ANK2: variants seen among roughly 807,000 people sequenced by gnomAD.
ANK2 encodes ankyrin-2.
ANK2 carries 83 observed loss-of-function variants against 360.5 expected under a neutral mutation model. That is an observed-to-expected ratio of 0.23 (90% CI 0.19 to 0.28). The LOEUF (loss-of-function observed/expected upper bound fraction) is 0.28. Ranked by LOEUF, ANK2 falls within the 10% of genes least tolerant of loss-of-function variation. The pLI is 1.00. For missense variants in ANK2, 4,201 were observed against 4,795.7 expected, an observed-to-expected ratio of 0.88 and a Z score of 3.66; for synonymous variants, 1,740 against 1,759.5, an observed-to-expected ratio of 0.99 and a Z score of 0.28.
At chr4:112,943,360 C>G (rs1444694285) in intron 2 of ANK2, among the ~76,000 whole-genome samples, 3 of 151,936 alleles carry the variant, frequency 2.0e-5, no homozygotes, top group African/African-American at 7.3e-5. Flanking sequence ...TCTCTCCATC[C>G]CTTCTTTCTA....
At chr4:112,887,560 T>C (rs2078764843) in intron 1 of ANK2, among the ~76,000 whole-genome samples, 1 of 152,190 alleles carries the variant, frequency 6.6e-6, no homozygotes, top group African/African-American at 2.4e-5. Flanking sequence ...AAGATATGTG[T>C]TTCATATTTC....
intron 2 of ANK2, among the ~76,000 whole-genome samples, chr4:113,006,330 A>G (rs757770009): frequency 6.6e-6 from 1 of 152,218 alleles, no homozygotes. Flanking sequence ...CCCACATTCA[A>G]TAAGGCAAAG....
intron 20 of ANK2, 36 bp from the exon 21 acceptor site, chr4:113,292,380 A>G: frequency 6.4e-7 from 1 of 1,566,040 alleles, no homozygotes; most frequent in East Asian, 2.3e-5. Context: ...CCCTCTGCCA[A>G]TCGGGTGCTG....
At chr4:113,186,587 T>TTC (rs1554246496) in intron 2 of ANK2, among the ~76,000 whole-genome samples, 16 of 46,864 alleles carry the variant, frequency 3.4e-4, no homozygotes, top group East Asian at 2.1e-3. Flanking sequence ...TCTCTCTCTC[T>TTC]TCTCTCTCTC....
the ANK2 span, among the ~76,000 whole-genome samples, chr4:112,752,659 T>C: frequency 1.3e-5 from 2 of 151,618 alleles, no homozygotes; most frequent in African/African-American, 4.8e-5. Flanking sequence ...CCTGAACCAC[T>C]GCACCTTGCT....
At chr4:113,102,497 C>A (rs147168095) in intron 1 of ANK2, among the ~76,000 whole-genome samples, 5 of 152,082 alleles carry the variant, frequency 3.3e-5, no homozygotes, top group African/African-American at 9.6e-5. Flanking sequence ...TGGTGGGGCG[C>A]ATGTATAGGC....
chr4:112,842,809 T>G (rs1193892240), intron 1 of ANK2, among the ~76,000 whole-genome samples: 1 of 152,232 alleles, frequency 6.6e-6, no homozygotes, highest in Non-Finnish European at 1.5e-5. Flanking sequence ...TTGTTGCTGC[T>G]GTAACAAAGC....
chr4:113,091,928 G>A (rs976557944), intron 1 of ANK2, among the ~76,000 whole-genome samples: 2 of 152,156 alleles, frequency 1.3e-5, no homozygotes, highest in African/African-American at 4.8e-5. Flanking sequence ...GAATGTGCAG[G>A]AGTCCAATGT....
intron 2 of ANK2, among the ~76,000 whole-genome samples, chr4:113,186,560 G>A (rs114800171): frequency 1.4e-5 from 1 of 71,608 alleles, no homozygotes; most frequent in African/African-American, 9.7e-5. Flanking sequence ...ATCTTCCCGT[G>A]TCTCTCTCTC....
intron 1 of ANK2, among the ~76,000 whole-genome samples, chr4:113,156,791 TA>T (rs2154399963): frequency 6.7e-6 from 1 of 150,274 alleles, no homozygotes; most frequent in African/African-American, 2.4e-5. Context: ...TATATATATA[TA>T]TATATTATAT....
intron 2 of ANK2, among the ~76,000 whole-genome samples, chr4:112,959,780 T>C (rs1471220130): frequency 6.6e-6 from 1 of 152,150 alleles, no homozygotes; most frequent in African/African-American, 2.4e-5. Context: ...CTAATAGACC[T>C]TAAGAAGATT....
At chr4:113,055,144 G>A (rs1277749465) in intron 1 of ANK2, among the ~76,000 whole-genome samples, 1 of 152,108 alleles carries the variant, frequency 6.6e-6, no homozygotes, top group Non-Finnish European at 1.5e-5. Flanking sequence ...TGTAACCCCA[G>A]CACTTTGGGA....
chr4:113,315,472 G>T (rs948642681), intron 24 of ANK2, among the ~76,000 whole-genome samples: 18 of 152,116 alleles, frequency 1.2e-4, no homozygotes, highest in African/African-American at 3.9e-4. Context: ...CTTTGAGACC[G>T]GTGTTTCTGC....
chr4:113,064,750 A>G (rs2074985235), intron 1 of ANK2, among the ~76,000 whole-genome samples: 1 of 149,954 alleles, frequency 6.7e-6, no homozygotes, highest in Non-Finnish European at 1.5e-5. Flanking sequence ...TTCTAACAAA[A>G]ATGTTAGAAA....
intron 4 of ANK2, among the ~76,000 whole-genome samples, chr4:113,223,161 T>A (rs1219986075): frequency 2.0e-5 from 3 of 152,176 alleles, no homozygotes; most frequent in Admixed American, 2.0e-4. Flanking sequence ...TTATCTTTCA[T>A]AATGCTAATT....
In ANK2 at chr4:113,356,855, A is replaced by C. The variant is rs2095814475; in HGVS notation, c.8237A>C (p.Asp2746Ala). 1 of 1,613,912 alleles carries C rather than the reference A, an allele frequency of 6.2e-7. No individual in the cohort carries two copies. Among genetic ancestry groups the C allele is most frequent in the African/African-American group, 1.3e-5 (1 of 74,912 alleles). Residue 2746 changes from aspartate to alanine, a missense_variant, in exon 38 of 46, where the codon GAC (aspartate) becomes GCC (alanine). Asp to Ala is a moderately radical substitution (Grantham distance 126). Coordinates refer to ENST00000357077, the MANE Select transcript of ANK2 (RefSeq NM_001148.6). The part of the protein sequence containing the change: ...EKDSESHLAE[D>A]RHAVSTEAED... The stretch of plus-strand genomic sequence containing the variant: ...GATTCTGAATCCCATTTAGCTGAAG[A>C]CCGTCATGCTGTTTCCACTGAGGCT...
intron 15 of ANK2, among the ~76,000 whole-genome samples, chr4:113,274,928 T>A (rs981012748): frequency 2.0e-5 from 3 of 152,226 alleles, no homozygotes; most frequent in African/African-American, 7.2e-5. Context: ...TCTCTTTTAT[T>A]ATAAAATCCA....
intron 1 of ANK2, among the ~76,000 whole-genome samples, chr4:113,121,144 T>G (rs1271735299): frequency 1.3e-5 from 2 of 152,198 alleles, no homozygotes; most frequent in African/African-American, 2.4e-5. Flanking sequence ...CATGTGGTCA[T>G]GTATCTGACA....
chr4:113,374,944 G>A (rs2096872485), intron 45 of ANK2: 1 of 1,193,646 alleles, frequency 8.4e-7, no homozygotes, highest in Non-Finnish European at 1.1e-6. Context: ...TGACTTTGAA[G>A]AGGTATAGAA....
Sources: allele counts gnomAD v4.1 joint callset (sites outside exome capture counted in the v4.1 genomes callset), GRCh38; gene constraint gnomAD v4.1.1; transcripts MANE v1.5; gene names NCBI Gene and HGNC (gene_info 2026-07-23, HGNC 2026-07-21).